PNMA8A: variants seen among roughly 807,000 people sequenced by gnomAD.
PNMA8A encodes PNMA family member 8A.
PNMA8A carries 17 observed loss-of-function variants against 26.6 expected under a neutral mutation model. The ratio of observed to expected loss-of-function variants is 0.64; its 90% CI spans 0.44 to 0.96. The LOEUF (loss-of-function observed/expected upper bound fraction) is 0.96. Ranked by LOEUF, PNMA8A falls within the 40% of genes least tolerant of loss-of-function variation. The probability of loss-of-function intolerance (pLI) is 0.00; values close to 1 mark genes in which losing one functional copy is unlikely to be tolerated. For synonymous variants in PNMA8A, 224 were observed against 182.0 expected, an observed-to-expected ratio of 1.23 and a Z score of -1.86; for missense variants, 532 against 488.4, an observed-to-expected ratio of 1.09 and a Z score of -0.84.
In PNMA8A at chr19:46,470,659, C is replaced by A; in HGVS notation, c.377G>T (p.Arg126Leu). 1 of 1,442,776 alleles carries A rather than the reference C, an allele frequency of 6.9e-7. No homozygotes were observed. Among genetic ancestry groups the A allele is most frequent in the Non-Finnish European group, 9.8e-7 (1 of 1,023,514 alleles). 89.4% of individuals were successfully genotyped at this position (1,442,776 alleles called of 1,614,324 possible). ...AEGRTWEDVV[R>L]LLQLNHPTLS... ...GGTGGGGTGGTTGAGCTGGAGCAGG[C>A]GGACCACATCCTCCCAGGTGCGCCC... The change falls in exon 2 of 3, where the codon CGC becomes CTC. Residue 126 changes from arginine (R) to leucine (L), a missense_variant. Arg to Leu is a moderately radical substitution (Grantham distance 102, BLOSUM62 -2). Transcript: ENST00000313683.
chr19:46,469,360 T>C (rs997180511), intron 2 of PNMA8A, among the ~76,000 whole-genome samples: 1 of 152,178 alleles, frequency 6.6e-6, no homozygotes, highest in Non-Finnish European at 1.5e-5. Context: ...TCTGCCCACC[T>C]TGGCTTCCCA....
rs1969735343 is a variant in PNMA8A, at chr19:46,468,281, T to C, written c.*280A>G. 2.2e-6 allele frequency: 1 copy of C among 462,560 alleles called. No individual in the cohort carries two copies. The highest frequency in any genetic ancestry group is 3.9e-6 in the Non-Finnish European group (1 of 259,120). 28.7% of individuals were successfully genotyped at this position (462,560 alleles called of 1,614,324 possible). On this transcript the variant is annotated 3_prime_UTR_variant, in exon 3 of 3. Transcript: ENST00000313683. ...ATAAAGGGGAATGAATGTTCTAGAA[T>C]TTTCCCAATCCTCTTACCAACTCTC...
In PNMA8A at chr19:46,468,347, G is replaced by A. The variant is rs529594042; in HGVS notation, c.*214C>T. The A allele has an allele frequency of 1.0e-4, 52 of 508,218 alleles. No homozygotes were observed. The highest frequency in any genetic ancestry group is 6.4e-4 in the African/African-American group (34 of 52,744). The allele number at this position is 508,218 out of a possible 1,614,324, so 31.5% of individuals were successfully genotyped here. On this transcript the variant is annotated 3_prime_UTR_variant, in exon 3 of 3. Transcript: ENST00000313683. ...AGGTGAGTAGAGAAGGCGGTGAAAC[G>A]GCAGGCCTGGTAGAGAAAAGGGCAT... is the stretch of plus-strand genomic sequence containing the variant.
At position 46,468,314 on chromosome 19, in the gene PNMA8A, C is replaced by T. The variant is rs879230177; in HGVS notation, c.*247G>A. On this transcript the variant is annotated 3_prime_UTR_variant, in exon 3 of 3. Transcript: ENST00000313683. ...ATCCTCTTACCAACTCTCCTGCCTC[C>T]GAAGAGAAGGTGAGTAGAGAAGGCG... The T allele has an allele frequency of 2.1e-6, 1 of 486,510 alleles. No individual in the cohort carries two copies. The highest frequency in any genetic ancestry group is 3.3e-5 in the Admixed American group (1 of 30,512). The allele number at this position is 486,510 out of a possible 1,614,324, so 30.1% of individuals were successfully genotyped here.
rs1969791456 is a variant in PNMA8A, at chr19:46,471,356, C to A, written c.-99G>T. The A allele has an allele frequency of 4.6e-6, 1 of 216,354 alleles. No individual in the cohort carries two copies. Among genetic ancestry groups the A allele is most frequent in the Non-Finnish European group, 9.1e-6 (1 of 110,052 alleles). 13.4% of individuals were successfully genotyped at this position (216,354 alleles called of 1,614,324 possible). On this transcript the variant is annotated 5_prime_UTR_variant, in exon 1 of 3. Transcript: ENST00000313683. ...ACTTACTTGGCAGATCAGCCTCCGA[C>A]CGCCCAGCCAGGCCAAGGAGACGCA... is the stretch of plus-strand genomic sequence containing the variant.
In PNMA8A at chr19:46,466,509, T is replaced by G. The variant is rs894023573; in HGVS notation, c.*2052A>C. 3 of 152,176 alleles carry G rather than the reference T, an allele frequency of 2.0e-5. No homozygotes were observed. The highest frequency in any genetic ancestry group is 7.2e-5 in the African/African-American group (3 of 41,458). The allele number at this position is 152,176 out of a possible 1,614,324, so 9.4% of individuals were successfully genotyped here. A position where few individuals can be genotyped will look rare whatever the true frequency, so the allele number is the denominator to read the frequency against. On this transcript the variant is annotated 3_prime_UTR_variant, in exon 3 of 3. Coordinates refer to ENST00000313683, the MANE Select transcript of PNMA8A (RefSeq NM_018215.4). ...AAGAGACTTAACAGGACACTTAATTTGCTAAACTTTATTTTATACATACAC... is the reference window on the plus strand; with the variant it reads ...AAGAGACTTAACAGGACACTTAATTGGCTAAACTTTATTTTATACATACAC...
At position 46,470,934 on chromosome 19, in the gene PNMA8A, A is replaced by G. The variant is rs1222544174; in HGVS notation, c.102T>C (p.Cys34=). The G allele has an allele frequency of 2.6e-6, 2 of 780,920 alleles. No homozygotes were observed. The highest frequency in any genetic ancestry group is 2.2e-4 in the Middle Eastern group (1 of 4,464). 48.4% of individuals were successfully genotyped at this position (780,920 alleles called of 1,614,324 possible). A position where few individuals can be genotyped will look rare whatever the true frequency, so the allele number is the denominator to read the frequency against. Residue 34 remains cysteine (C), a synonymous_variant, in exon 2 of 3, where the codon TGT becomes TGC. Coordinates refer to ENST00000313683, the MANE Select transcript of PNMA8A (RefSeq NM_018215.4). ...SLLVTGIPED[C]GQAEIEETLN... ...AGGTCTCCTCAATTTCTGCCTGCCC[A>G]CAGTCCTCTGGGATGCCTGTGACCA...
At position 46,470,066 on chromosome 19, in the gene PNMA8A, C is replaced by G; in HGVS notation, c.970G>C (p.Ala324Pro). Residue 324 changes from alanine (A) to proline (P), a missense_variant, in exon 2 of 3, where the codon GCA (alanine) becomes CCA (proline). Physicochemically the swap from Ala to Pro is conservative, Grantham distance 27 (BLOSUM62 -1). Transcript: ENST00000313683. Reference sequence around the variant, plus strand: ...GCGCCTCCTGGGCTCTCGGCTTCTGCCCGGGCATCCTGAGGTGGCTCTCTG... The same window carrying G: ...GCGCCTCCTGGGCTCTCGGCTTCTGGCCGGGCATCCTGAGGTGGCTCTCTG... ...GPREPPQDAR[A>P]EAESPGGASE... is the part of the protein sequence containing the mutation. The G allele has an allele frequency of 6.3e-7, 1 of 1,591,836 alleles. No individual in the cohort carries two copies. Among genetic ancestry groups the G allele is most frequent in the Non-Finnish European group, 8.5e-7 (1 of 1,171,726 alleles).
rs1969782193 is a variant in PNMA8A at position 46,470,849 on chromosome 19, C to T, written c.187G>A (p.Glu63Lys). 1 of 781,070 alleles carries T rather than the reference C, an allele frequency of 1.3e-6. No homozygotes were observed. The highest frequency in any genetic ancestry group is 1.7e-5 in the African/African-American group (1 of 59,142). 48.4% of individuals were successfully genotyped at this position (781,070 alleles called of 1,614,324 possible). ...ATGAGGGCAGCTTTAACATTCTCTT[C>T]CCTCACAAAAATCTTGTTGAGCACG... Reference protein sequence around the residue: ...YRVLNKIFVREENVKAALIEV... With the variant: ...YRVLNKIFVRKENVKAALIEV... The change falls in exon 2 of 3, where the codon GAA becomes AAA. Residue 63 changes from glutamate (E) to lysine (K), a missense_variant. Coordinates refer to ENST00000313683, the MANE Select transcript of PNMA8A (RefSeq NM_018215.4).
chr19:46,469,281 T>C (rs1013938943), intron 2 of PNMA8A, among the ~76,000 whole-genome samples: 4 of 151,604 alleles, frequency 2.6e-5, no homozygotes, highest in Non-Finnish European at 5.9e-5. Context: ...GCTAATTTTT[T>C]GTATTTTTAG....
chr19:46,470,697 G>A lies in PNMA8A; in HGVS notation c.339C>T (p.Phe113=), dbSNP rs748610819. ...DAEFLKNLNE[F]LDAEGRTWED... ...CCCAGGTGCGCCCCTCGGCATCCAG[G>A]AATTCATTCAGATTTTTTAAAAACT... Residue 113 remains phenylalanine (F), a synonymous_variant, in exon 2 of 3, where the codon TTC becomes TTT. Coordinates refer to ENST00000313683, the MANE Select transcript of PNMA8A (RefSeq NM_018215.4). 19 of 1,120,068 alleles carry A rather than the reference G, an allele frequency of 1.7e-5. 1 individual carries two copies. The highest frequency in any genetic ancestry group is 6.1e-5 in the African/African-American group (4 of 65,422). The allele number at this position is 1,120,068 out of a possible 1,614,324, so 69.4% of individuals were successfully genotyped here.
chr19:46,468,287 C>T lies in PNMA8A; in HGVS notation c.*274G>A. 1 of 468,826 alleles carries T rather than the reference C, an allele frequency of 2.1e-6. No homozygotes were observed. 29.0% of individuals were successfully genotyped at this position (468,826 alleles called of 1,614,324 possible). ...GGGAATGAATGTTCTAGAATTTTCC[C>T]AATCCTCTTACCAACTCTCCTGCCT... On this transcript the variant is annotated 3_prime_UTR_variant, in exon 3 of 3. Transcript: ENST00000313683.
Position 46,469,975 on chromosome 19 carries a change from G to A in PNMA8A, c.1061C>T (p.Ser354Phe). The A allele has an allele frequency of 6.2e-7, 1 of 1,612,524 alleles. No individual in the cohort carries two copies. The highest frequency in any genetic ancestry group is 1.1e-5 in the South Asian group (1 of 90,818). ...CCTCATGGGAGCGGGGTTCTTGGCA[G>A]ACACCCAGGCCACGGCCTTCTTCTT... ...PPKKKAVAWV[S>F]AKNPAPMRKK... Residue 354 changes from serine to phenylalanine, a missense_variant, in exon 2 of 3, where the codon TCT becomes TTT. Ser to Phe is a radical substitution (Grantham distance 155, BLOSUM62 -2). Coordinates refer to ENST00000313683, the MANE Select transcript of PNMA8A (RefSeq NM_018215.4).
rs763299484 is a variant in PNMA8A at position 46,470,207 on chromosome 19, C to T, written c.829G>A (p.Gly277Ser). 6.2e-7 allele frequency: 1 copy of T among 1,614,214 alleles called. No individual in the cohort carries two copies. Among genetic ancestry groups the T allele is most frequent in the East Asian group, 2.2e-5 (1 of 44,878 alleles). ...STANLEDPEV[G>S]DAESMAISEP... ...GAGATCGCCATGCTTTCAGCATCAC[C>T]CACCTCAGGATCCTCCAAGTTAGCT... The change falls in exon 2 of 3, where the codon GGT becomes AGT. Residue 277 changes from glycine (G) to serine (S), a missense_variant. Physicochemically the swap from Gly to Ser is moderately conservative, Grantham distance 56. Coordinates refer to ENST00000313683, the MANE Select transcript of PNMA8A (RefSeq NM_018215.4).
chr19:46,470,471 C>A lies in PNMA8A; in HGVS notation c.565G>T (p.Ala189Ser). 1 of 1,613,958 alleles carries A rather than the reference C, an allele frequency of 6.2e-7. No homozygotes were observed. ...AAEFEEMAAWALAAGRKVKKE... is the reference protein window; with the variant it reads ...AAEFEEMAAWSLAAGRKVKKE... ...TTCACCTTCCTCCCTGCTGCTAAAGCCCAGGCTGCCATCTCCTCGAATTCA... is the reference window on the plus strand; with the variant it reads ...TTCACCTTCCTCCCTGCTGCTAAAGACCAGGCTGCCATCTCCTCGAATTCA... The change falls in exon 2 of 3, where the codon GCT becomes TCT. Residue 189 changes from alanine to serine, a missense_variant. Physicochemically the swap from Ala to Ser is moderately conservative, Grantham distance 99. Transcript: ENST00000313683.
rs180821017 is a variant in PNMA8A at position 46,470,715 on chromosome 19, T to A, written c.321A>T (p.Leu107Phe). 4 of 1,008,806 alleles carry A rather than the reference T, an allele frequency of 4.0e-6. No individual in the cohort carries two copies. The highest frequency in any genetic ancestry group is 2.4e-5 in the East Asian group (1 of 42,220). 62.5% of individuals were successfully genotyped at this position (1,008,806 alleles called of 1,614,324 possible). ...CRDPTQDAEF[L>F]KNLNEFLDAE... ...CATCCAGGAATTCATTCAGATTTTTTAAAAACTCGGCATCCTGGGTAGGGT... is the reference window on the plus strand; with the variant it reads ...CATCCAGGAATTCATTCAGATTTTTAAAAAACTCGGCATCCTGGGTAGGGT... Residue 107 changes from leucine (L) to phenylalanine (F), a missense_variant, in exon 2 of 3, where the codon TTA becomes TTT. Transcript: ENST00000313683.
Position 46,470,600 on chromosome 19 carries a change from A to C in PNMA8A, c.436T>G (p.Trp146Gly), listed in dbSNP as rs1335186560. 1.2e-6 allele frequency: 2 copies of C among 1,613,256 alleles called. No homozygotes were observed. The highest frequency in any genetic ancestry group is 1.3e-5 in the African/African-American group (1 of 74,892). ...SQNQHQPPEN[W>G]AEALGVLLGA... ...AGAAGCACCCCCAGAGCTTCTGCCC[A>C]GTTCTCTGGGGGCTGATGCTGGTTC... The change falls in exon 2 of 3, where the codon TGG becomes GGG. Residue 146 changes from tryptophan (W) to glycine (G), a missense_variant. Physicochemically the swap from Trp to Gly is radical, Grantham distance 184 (BLOSUM62 -2). Coordinates refer to ENST00000313683, the MANE Select transcript of PNMA8A (RefSeq NM_018215.4).
rs753466230 is a variant in PNMA8A at position 46,470,524 on chromosome 19, C to T, written c.512G>A (p.Arg171Gln). The change falls in exon 2 of 3, where the codon CGG (arginine) becomes CAG (glutamine). Residue 171 changes from arginine (R) to glutamine (Q), a missense_variant. By Grantham distance (43) the Arg-to-Gln change is conservative (BLOSUM62 1). Coordinates refer to ENST00000313683, the MANE Select transcript of PNMA8A (RefSeq NM_018215.4). Reference sequence around the variant, plus strand: ...GGCCTCCTGGGCCCTGGCTTCCTCCCGGCTGCGGATCTCGGCATCCATGCA... The same window carrying T: ...GGCCTCCTGGGCCCTGGCTTCCTCCTGGCTGCGGATCTCGGCATCCATGCA... ...IFCMDAEIRS[R>Q]EEARAQEAAE... The T allele has an allele frequency of 1.8e-5, 29 of 1,613,946 alleles. No individual in the cohort carries two copies. Among genetic ancestry groups the T allele is most frequent in the Non-Finnish European group, 2.4e-5 (28 of 1,180,044 alleles).
At position 46,470,964 on chromosome 19, in the gene PNMA8A, G is replaced by T; in HGVS notation, c.72C>A (p.Ser24=). Residue 24 remains serine (S), a synonymous_variant, in exon 2 of 3, where the codon TCC becomes TCA. Coordinates refer to ENST00000313683, the MANE Select transcript of PNMA8A (RefSeq NM_018215.4). ...CCTCTGGGATGCCTGTGACCAACAA[G>T]GACCTGTGGATGTCCACTTCCATTC... ...CRGMEVDIHR[S]LLVTGIPEDC... The T allele has an allele frequency of 1.3e-6, 1 of 780,916 alleles. No individual in the cohort carries two copies. The highest frequency in any genetic ancestry group is 2.4e-6 in the Non-Finnish European group (1 of 418,098). The allele number at this position is 780,916 out of a possible 1,614,324, so 48.4% of individuals were successfully genotyped here.
Sources: allele counts gnomAD v4.1 joint callset (sites outside exome capture counted in the v4.1 genomes callset), GRCh38; gene constraint gnomAD v4.1.1; transcripts MANE v1.5; gene names NCBI Gene and HGNC (gene_info 2026-07-23, HGNC 2026-07-21).